Variants in UVRAG observed in about 807,000 individuals in gnomAD.
UVRAG encodes UV radiation resistance associated.
A neutral mutation model predicts 78.0 loss-of-function variants in UVRAG; 19 were observed. The ratio of observed to expected loss-of-function variants is 0.24; its 90% confidence interval spans 0.17 to 0.36. The LOEUF (loss-of-function observed/expected upper bound fraction) is 0.36. Among genes scored for constraint, UVRAG ranks in the 10% least tolerant of loss-of-function variants. The probability of loss-of-function intolerance (pLI) is 1.00; values close to 1 mark genes in which losing one functional copy is unlikely to be tolerated. For synonymous variants in UVRAG, 323 were observed against 324.6 expected (o/e 1.00, Z 0.05); for missense variants, 740 against 853.8 (o/e 0.87, Z 1.66).
chr11:76,053,400 C>T (rs1015296300), intron 12 of UVRAG, among the ~76,000 whole-genome samples: 11 of 151,956 alleles, frequency 7.2e-5, no homozygotes, highest in African/African-American at 1.5e-4. Context: ...TCACAGATAC[C>T]GCCATCTGCC....
chr11:75,832,217 G>A (rs1945673944), intron 1 of UVRAG, among the ~76,000 whole-genome samples: 1 of 152,100 alleles, frequency 6.6e-6, no homozygotes, highest in African/African-American at 2.4e-5. Context: ...GTATCCTTGT[G>A]TTCAGTTCAA....
intron 4 of UVRAG, among the ~76,000 whole-genome samples, chr11:75,884,212 GTCTCTCTC>G (rs138821865): frequency 5.6e-5 from 8 of 144,090 alleles, no homozygotes; most frequent in Admixed American, 1.4e-4. Flanking sequence ...TTTGAGATCA[GTCTCTCTC>G]TCTCTCTCTC....
chr11:75,973,564 C>CTT (rs111295380), intron 7 of UVRAG, among the ~76,000 whole-genome samples: 10 of 151,388 alleles, frequency 6.6e-5, no homozygotes, highest in African/African-American at 2.2e-4. Flanking sequence ...GGAATTGTTT[C>CTT]TTTTTTTTTA....
At chr11:75,983,037 T>C (rs1949423928) in intron 7 of UVRAG, among the ~76,000 whole-genome samples, 1 of 152,170 alleles carries the variant, frequency 6.6e-6, no homozygotes, top group Non-Finnish European at 1.5e-5. Context: ...GTGGAATTTC[T>C]GGGTCTTATG....
At chr11:76,096,213 AG>A (rs1951782939) in intron 13 of UVRAG, among the ~76,000 whole-genome samples, 1 of 152,230 alleles carries the variant, frequency 6.6e-6, no homozygotes, top group Admixed American at 6.5e-5. Flanking sequence ...GGGGAAACCA[AG>A]GATCCCTTCT....
chr11:76,001,794 G>A (rs1949819252), intron 8 of UVRAG, among the ~76,000 whole-genome samples: 1 of 152,128 alleles, frequency 6.6e-6, no homozygotes. Flanking sequence ...AAAATAAAAA[G>A]GAGTTAATGA....
At chr11:76,002,987 G>A (rs1055995350) in intron 8 of UVRAG, among the ~76,000 whole-genome samples, 2 of 152,014 alleles carry the variant, frequency 1.3e-5, no homozygotes, top group African/African-American at 4.8e-5. Flanking sequence ...TGAGGCAGGA[G>A]GATCACCTCA....
intron 5 of UVRAG, among the ~76,000 whole-genome samples, chr11:75,907,447 G>C (rs1401411582): frequency 6.6e-6 from 1 of 151,396 alleles, no homozygotes; most frequent in African/African-American, 2.4e-5. Flanking sequence ...TTTGTCAAAT[G>C]CATTTTCTGC....
Position 76,140,918 on chromosome 11 carries a change from C to T in UVRAG, c.1605C>T (p.Pro535=), listed in dbSNP as rs1952709334. 3.1e-6 allele frequency: 5 copies of T among 1,614,210 alleles called. No homozygotes were observed. Among genetic ancestry groups the T allele is most frequent in the Non-Finnish European group, 4.2e-6 (5 of 1,180,026 alleles). ...SALAQPVTTV[P]SMGETERKIT... Reference sequence around the variant, plus strand: ...TAGCCCAGCCTGTGACCACCGTCCCCTCCATGGGAGAGACCGAGAGAAAGA... The same window carrying T: ...TAGCCCAGCCTGTGACCACCGTCCCTTCCATGGGAGAGACCGAGAGAAAGA... Residue 535 remains proline, a synonymous_variant, in exon 15 of 15, where the codon CCC becomes CCT. Transcript: ENST00000356136.
intron 6 of UVRAG, among the ~76,000 whole-genome samples, chr11:75,918,446 G>A (rs1309077862): frequency 6.6e-6 from 1 of 151,544 alleles, no homozygotes; most frequent in Non-Finnish European, 1.5e-5. Flanking sequence ...GATATATCAT[G>A]TACAGGAGAA....
At chr11:76,079,786 A>G (rs1472682003) in intron 13 of UVRAG, among the ~76,000 whole-genome samples, 1 of 152,206 alleles carries the variant, frequency 6.6e-6, no homozygotes, top group African/African-American at 2.4e-5. Context: ...ACTCTAGCAT[A>G]AGGAAATAAT....
intron 13 of UVRAG, among the ~76,000 whole-genome samples, chr11:76,098,994 T>C (rs896395424): frequency 6.6e-6 from 1 of 152,196 alleles, no homozygotes; most frequent in African/African-American, 2.4e-5. Context: ...CTCTGAACTT[T>C]GCTTAGAGTC....
chr11:76,111,163 T>C (rs1176900337), intron 13 of UVRAG, among the ~76,000 whole-genome samples: 1 of 152,142 alleles, frequency 6.6e-6, no homozygotes, highest in Non-Finnish European at 1.5e-5. Flanking sequence ...TTAAATAATT[T>C]TAAAATTTTA....
intron 6 of UVRAG, among the ~76,000 whole-genome samples, chr11:75,951,759 G>A (rs889338368): frequency 3.9e-5 from 6 of 151,982 alleles, no homozygotes; most frequent in Admixed American, 6.6e-5. Flanking sequence ...TTTATGATAG[G>A]TCATAAAATC....
chr11:76,047,480 T>C (rs1377474561), intron 12 of UVRAG, among the ~76,000 whole-genome samples: 1 of 152,204 alleles, frequency 6.6e-6, no homozygotes, highest in Non-Finnish European at 1.5e-5. Context: ...GACTTTACCA[T>C]GCTGAGTTAT....
chr11:75,983,216 G>T (rs1949428120), intron 7 of UVRAG, among the ~76,000 whole-genome samples, 171 bp from the exon 8 acceptor site: 3 of 152,094 alleles, frequency 2.0e-5, no homozygotes, highest in African/African-American at 4.8e-5. Flanking sequence ...ATTTCTATAT[G>T]ATTTTCATTA....
chr11:75,942,071 A>G (rs1418849764), intron 6 of UVRAG: 1 of 152,206 alleles, frequency 6.6e-6, no homozygotes, highest in Non-Finnish European at 1.5e-5. Context: ...TCAGTTTTGA[A>G]TACTACATTG....
At chr11:75,832,450 G>A (rs189063273) in intron 1 of UVRAG, among the ~76,000 whole-genome samples, 1 of 152,300 alleles carries the variant, frequency 6.6e-6, no homozygotes, top group Admixed American at 6.5e-5. Context: ...TATAGGTTTA[G>A]GATAAAGGAT....
intron 1 of UVRAG, among the ~76,000 whole-genome samples, chr11:75,819,721 C>T (rs1455739083): frequency 6.6e-6 from 1 of 151,582 alleles, no homozygotes; most frequent in Non-Finnish European, 1.5e-5. Flanking sequence ...CTAATACCAG[C>T]ACTTTGGGAG....
Sources: allele counts gnomAD v4.1 joint callset (sites outside exome capture counted in the v4.1 genomes callset), GRCh38; gene constraint gnomAD v4.1.1; transcripts MANE v1.5; gene names NCBI Gene and HGNC (gene_info 2026-07-23, HGNC 2026-07-21).